The following MTRR variants were observed in gnomAD, a reference collection of about 807,000 sequenced individuals.
MTRR encodes methionine synthase reductase.
A neutral mutation model predicts 79.2 loss-of-function variants in MTRR; 63 were observed. That is an observed-to-expected ratio of 0.80 (90% CI 0.65 to 0.98). The LOEUF is 0.98. Among genes scored for constraint, MTRR ranks in the 50% least tolerant of loss-of-function variants. The probability of loss-of-function intolerance (pLI) is 0.00; values close to 1 mark genes in which losing one functional copy is unlikely to be tolerated. For synonymous variants in MTRR, 355 were observed against 313.3 expected (o/e 1.13, Z -1.41); for missense variants, 895 against 839.6 (o/e 1.07, Z -0.82).
At chr5:7,885,952 G>T in intron 7 of MTRR, 98 bp downstream of exon 7, 2 of 1,506,482 alleles carry the variant, frequency 1.3e-6, no homozygotes, top group Non-Finnish European at 1.8e-6. Flanking sequence ...CTGTGTGTTG[G>T]CCGCACAGAT....
chr5:7,889,578 C>T (rs1232319974), intron 9 of MTRR, among the ~76,000 whole-genome samples: 1 of 152,036 alleles, frequency 6.6e-6, no homozygotes, highest in East Asian at 1.9e-4. Context: ...AGTTGTTACT[C>T]TCTTTTTGGC....
exon 2 of MTRR, chr5:7,861,992 G>A (rs771306269): frequency 3.0e-4 from 54 of 181,184 alleles, no homozygotes; most frequent in Non-Finnish European, 4.7e-4. Flanking sequence ...GAAAACCCTT[G>A]AGTTAAGACA....
At chr5:7,860,085 A>C (rs553252291) in intron 1 of MTRR, among the ~76,000 whole-genome samples, 2 of 152,328 alleles carry the variant, frequency 1.3e-5, no homozygotes, top group Admixed American at 6.5e-5. Flanking sequence ...CTGCAGGCCA[A>C]CCATTGGAGG....
chr5:7,871,690 A>T (rs1216195817), intron 2 of MTRR, among the ~76,000 whole-genome samples: 1 of 152,132 alleles, frequency 6.6e-6, no homozygotes, highest in Non-Finnish European at 1.5e-5. Flanking sequence ...AGAACACTAG[A>T]CTGTGTGCAG....
At chr5:7,863,110 A>G (rs1488153252) in intron 2 of MTRR, 1 of 884,924 alleles carries the variant, frequency 1.1e-6, no homozygotes, top group Non-Finnish European at 1.8e-6. Context: ...TATAGGCATG[A>G]TACTTTTCCA....
intron 1 of MTRR, among the ~76,000 whole-genome samples, chr5:7,855,058 T>C (rs1010297022): frequency 6.6e-6 from 1 of 152,212 alleles, no homozygotes; most frequent in African/African-American, 2.4e-5. Context: ...GTGTGGGACA[T>C]TCTACAGGGC....
chr5:7,889,884 C>G (rs1438762148), intron 9 of MTRR, among the ~76,000 whole-genome samples: 1 of 152,000 alleles, frequency 6.6e-6, no homozygotes, highest in Non-Finnish European at 1.5e-5. Flanking sequence ...GAAGAGTAAC[C>G]CATTTTTTTG....
At chr5:7,882,812 A>G (rs1430637464) in intron 5 of MTRR, among the ~76,000 whole-genome samples, 1 of 152,192 alleles carries the variant, frequency 6.6e-6, no homozygotes, top group East Asian at 1.9e-4. Context: ...CATCTGTCAC[A>G]TTCTTCAAGA....
upstream of MTRR, chr5:7,868,143 C>A: frequency 1.1e-6 from 1 of 902,402 alleles, no homozygotes; most frequent in Non-Finnish European, 1.5e-6. Flanking sequence ...TGGTTAAATA[C>A]ATTGAGAACA....
chr5:7,862,940 G>A (rs1746662043), intron 2 of MTRR: 1 of 1,614,044 alleles, frequency 6.2e-7, no homozygotes, highest in Non-Finnish European at 8.5e-7. Flanking sequence ...GGGGTCTCCA[G>A]GGAACAGCAT....
At chr5:7,863,842 T>G (rs1043384229) in intron 2 of MTRR, among the ~76,000 whole-genome samples, 78 of 152,124 alleles carry the variant, frequency 5.1e-4, no homozygotes, top group African/African-American at 1.4e-3. Flanking sequence ...TTACCTTTTT[T>G]TTTGTTTGTT....
intron 1 of MTRR, chr5:7,861,167 G>A (rs138245860): frequency 1.6e-5 from 25 of 1,605,650 alleles, no homozygotes; most frequent in Non-Finnish European, 2.1e-5. Context: ...CTTGATAACC[G>A]AGTAACTGTA....
rs145273489 is a variant in MTRR, at chr5:7,871,524, A to G, written c.129+601A>G. 5.2e-3 allele frequency among the ~76,000 whole-genome samples: 791 copies of G among 152,262 alleles called. 6 individuals are homozygous for G. Among genetic ancestry groups the G allele is most frequent in the African/African-American group, 0.018 (728 of 41,526 alleles). ...CCTCCAGATTATACTATTTCAGACA[A>G]TTCAGGCGATAACAGTTGGCAGGGG... is the stretch of plus-strand genomic sequence containing the variant. On this transcript the variant is annotated intron_variant, in intron 2 of 14. Coordinates refer to ENST00000440940, the MANE Select transcript of MTRR (RefSeq NM_002454.3).
rs369430052 is a variant in MTRR, at chr5:7,895,751, A to T, written c.1575A>T (p.Arg525=). Residue 525 remains arginine (R), a synonymous_variant, in exon 12 of 15, where the codon CGA becomes CGT. Coordinates refer to ENST00000440940, the MANE Select transcript of MTRR (RefSeq NM_002454.3). ...ALAPKISISP[R]TTNSFHLPDD... ...TATTTCAGATATCCATCTCTCCTCG[A>T]ACAACAAATTCTTTCCACTTACCAG... The T allele has an allele frequency of 6.2e-7, 1 of 1,614,058 alleles. No individual in the cohort carries two copies. Among genetic ancestry groups the T allele is most frequent in the Admixed American group, 1.7e-5 (1 of 60,018 alleles).
chr5:7,870,191 T>C (rs1199696639), intron 1 of MTRR: 2 of 501,566 alleles, frequency 4.0e-6, no homozygotes, highest in Admixed American at 1.2e-4. Flanking sequence ...ATATTTTTGA[T>C]TTGCATTAAA....
upstream of MTRR, among the ~76,000 whole-genome samples, chr5:7,865,325 A>T (rs1235079506): frequency 6.6e-6 from 1 of 152,158 alleles, no homozygotes; most frequent in African/African-American, 2.4e-5. Flanking sequence ...GATACTCTAA[A>T]CTATGATTCA....
intron 2 of MTRR, among the ~76,000 whole-genome samples, chr5:7,873,071 TG>T (rs1748262817): frequency 6.6e-6 from 1 of 152,184 alleles, no homozygotes; most frequent in Admixed American, 6.5e-5. Flanking sequence ...AAACCTGGGA[TG>T]GGTACTGTCT....
At position 7,883,230 on chromosome 5, in the gene MTRR, A is replaced by G. The variant is rs1735856332; in HGVS notation, c.856A>G (p.Thr286Ala). The G allele has an allele frequency of 6.2e-7, 1 of 1,614,138 alleles. No homozygotes were observed. The highest frequency in any genetic ancestry group is 1.3e-5 in the African/African-American group (1 of 74,958). ...AATTTCAAAGGCAGTTCAACTTACT[A>G]CGAATGATGCCATAAAAACCACTCT... ...VPISKAVQLT[T>A]NDAIKTTLLV... The change falls in exon 6 of 15, where the codon ACG (threonine) becomes GCG (alanine). Residue 286 changes from threonine (T) to alanine (A), a missense_variant. Transcript: ENST00000440940.
intron 1 of MTRR, among the ~76,000 whole-genome samples, chr5:7,854,506 T>C (rs1579514032): frequency 6.6e-6 from 1 of 152,170 alleles, no homozygotes; most frequent in East Asian, 1.9e-4. Flanking sequence ...GAGTTCCACA[T>C]GGCTAGGGAG....
Sources: allele counts gnomAD v4.1 joint callset (sites outside exome capture counted in the v4.1 genomes callset), GRCh38; gene constraint gnomAD v4.1.1; transcripts MANE v1.5; gene names NCBI Gene and HGNC (gene_info 2026-07-23, HGNC 2026-07-21).